The following ATP9B variants were observed in gnomAD, a reference collection of about 807,000 sequenced individuals.
ATP9B encodes probable phospholipid-transporting ATPase IIB.
Under a neutral mutation model 146.1 loss-of-function variants are expected in ATP9B, and 110 were observed. The ratio of observed to expected loss-of-function variants is 0.75; its 90% CI spans 0.65 to 0.88. The LOEUF (loss-of-function observed/expected upper bound fraction) is 0.88. Among genes scored for constraint, ATP9B ranks in the 40% least tolerant of loss-of-function variants. The pLI, the probability that ATP9B is intolerant of heterozygous loss-of-function variation, is 0.00. For synonymous variants in ATP9B, 604 were observed against 569.7 expected, an observed-to-expected ratio of 1.06 and a Z score of -0.86; for missense variants, 1,499 against 1,496.4, an observed-to-expected ratio of 1.00 and a Z score of -0.03.
chr18:79,151,173 G>A (rs952665540), intron 6 of ATP9B, among the ~76,000 whole-genome samples: 2 of 152,094 alleles, frequency 1.3e-5, no homozygotes, highest in African/African-American at 2.4e-5. Flanking sequence ...TTGAATACTC[G>A]CATTTCACTA....
rs1555689295 is a variant in ATP9B at position 79,118,390 on chromosome 18, G to GGTTTTTTTTTTTTTTTTTTTTTT, written c.558+5036_558+5037insGTTTTTTTTTTTTTTTTTTTTTT. On this transcript the variant is annotated intron_variant, in intron 4 of 29. Transcript: ENST00000426216. ...AAACACAATCATATTGAACGTTTTT[G>GGTTTTTTTTTTTTTTTTTTTTTT]TTTTTTTTTTTTTTTTTTTTTTTTT... 5.4e-5 allele frequency among the ~76,000 whole-genome samples: 5 copies of GGTTTTTTTTTTTTTTTTTTTTTT among 93,238 alleles called. 2 individuals are homozygous for GGTTTTTTTTTTTTTTTTTTTTTT. Among genetic ancestry groups the GGTTTTTTTTTTTTTTTTTTTTTT allele is most frequent in the Non-Finnish European group, 4.3e-5 (2 of 46,064 alleles). The allele number at this position is 93,238 out of a possible 152,430, so 61.2% of individuals were successfully genotyped here. A position where few individuals can be genotyped will look rare whatever the true frequency, so the allele number is the denominator to read the frequency against.
intron 13 of ATP9B, among the ~76,000 whole-genome samples, chr18:79,300,295 G>A (rs73001988): frequency 0.056 from 8,469 of 152,184 alleles, 336 homozygotes; most frequent in Non-Finnish European, 0.087. Context: ...AGTAGCTCTC[G>A]TTTATTTAGG....
chr18:79,300,999 T>C (rs1159962917), intron 13 of ATP9B, among the ~76,000 whole-genome samples: 1 of 152,234 alleles, frequency 6.6e-6, no homozygotes, highest in African/African-American at 2.4e-5. Context: ...GGAAATACTT[T>C]GTTATCTCAA....
chr18:79,376,214 C>CACATACACACACAAAA, intron 29 of ATP9B: 1 of 528,146 alleles, frequency 1.9e-6, no homozygotes, highest in Non-Finnish European at 2.3e-6. Context: ...CACACACACA[C>CACATACACACACAAAA]AAAACAAAAC....
intron 25 of ATP9B, chr18:79,352,567 C>G (rs1105428): frequency 3.9e-5 from 6 of 152,054 alleles, no homozygotes; most frequent in Non-Finnish European, 7.4e-5. Flanking sequence ...ACATCTAGAA[C>G]GAACAGCCAG....
chr18:79,120,346 C>T (rs1365263132), intron 4 of ATP9B, among the ~76,000 whole-genome samples: 9 of 151,830 alleles, frequency 5.9e-5, no homozygotes, highest in African/African-American at 1.7e-4. Context: ...TTCTGTTGTT[C>T]GCTAATTTTA....
At chr18:79,344,227 A>G in intron 20 of ATP9B, 38 bp from the exon 21 acceptor site, 2 of 1,574,112 alleles carry the variant, frequency 1.3e-6, no homozygotes, top group Non-Finnish European at 1.7e-6. Flanking sequence ...AACTTAGACA[A>G]CATTTTAATT....
At chr18:79,191,323 G>C (rs1185847549) in intron 8 of ATP9B, among the ~76,000 whole-genome samples, 1 of 151,978 alleles carries the variant, frequency 6.6e-6, no homozygotes, top group Non-Finnish European at 1.5e-5. Context: ...TATGTGTTTA[G>C]GGGTTTTCTG....
chr18:79,110,289 CAATTAGTTTGAACTTTTTTAAAAAGCAA>C, intron 2 of ATP9B, 38 bp from the exon 3 acceptor site: 5 of 1,417,638 alleles, frequency 3.5e-6, no homozygotes, highest in Non-Finnish European at 4.7e-6. Context: ...TAAATATGTA[CAATTAGTTTGAACTTTTTTAAAAAGCAA>C]AAAAAAATAC....
intron 7 of ATP9B, 73 bp from the exon 8 acceptor site, chr18:79,176,740 A>G: frequency 8.1e-7 from 1 of 1,231,454 alleles, no homozygotes; most frequent in Non-Finnish European, 1.2e-6. Flanking sequence ...TTATTCTTTG[A>G]TGGCACCTGT....
At chr18:79,313,257 T>C (rs2096662551) in intron 15 of ATP9B, among the ~76,000 whole-genome samples, 1 of 152,336 alleles carries the variant, frequency 6.6e-6, no homozygotes, top group African/African-American at 2.4e-5. Flanking sequence ...TAAGCAAATA[T>C]GGGCATTTAG....
chr18:79,230,457 C>T (rs1477701942), intron 11 of ATP9B, among the ~76,000 whole-genome samples: 1 of 152,082 alleles, frequency 6.6e-6, no homozygotes. Context: ...CAAACTCAAC[C>T]CCTTTTATAA....
chr18:79,105,280 GT>G, intron 2 of ATP9B, among the ~76,000 whole-genome samples: 1 of 152,280 alleles, frequency 6.6e-6, no homozygotes, highest in Admixed American at 6.5e-5. Flanking sequence ...AAAATTCACT[GT>G]TACTAACATT....
At chr18:79,146,449 T>G (rs2094589166) in intron 6 of ATP9B, 1 of 134,932 alleles carries the variant, frequency 7.4e-6, no homozygotes. Context: ...TGACCGAAGG[T>G]GCAGGCTGCA....
intron 11 of ATP9B, among the ~76,000 whole-genome samples, chr18:79,218,280 C>T (rs1276009935): frequency 6.7e-6 from 1 of 148,694 alleles, no homozygotes; most frequent in Non-Finnish European, 1.5e-5. Flanking sequence ...CCTCGTGTTC[C>T]GTGTCTGACG....
intron 1 of ATP9B, among the ~76,000 whole-genome samples, chr18:79,093,480 C>T (rs928607120): frequency 6.6e-6 from 1 of 152,168 alleles, no homozygotes; most frequent in Admixed American, 6.6e-5. Flanking sequence ...TTTTTTCCTT[C>T]ATCTTTGCTT....
chr18:79,218,810 T>C (rs1413542636), intron 11 of ATP9B, among the ~76,000 whole-genome samples: 1 of 152,238 alleles, frequency 6.6e-6, no homozygotes, highest in Non-Finnish European at 1.5e-5. Flanking sequence ...TCACATTTCA[T>C]TGGCCAGAAC....
chr18:79,226,251 G>T (rs2148530636), intron 11 of ATP9B, among the ~76,000 whole-genome samples: 1 of 152,356 alleles, frequency 6.6e-6, no homozygotes, highest in African/African-American at 2.4e-5. Context: ...GATTCCCATT[G>T]CTCTGTGGCG....
chr18:79,142,537 G>A (rs186827058), intron 5 of ATP9B, among the ~76,000 whole-genome samples: 3 of 152,220 alleles, frequency 2.0e-5, no homozygotes, highest in East Asian at 3.9e-4. Flanking sequence ...CTCTACTGCC[G>A]GATGCTTTGC....
Sources: allele counts gnomAD v4.1 joint callset (sites outside exome capture counted in the v4.1 genomes callset), GRCh38; gene constraint gnomAD v4.1.1; transcripts MANE v1.5; gene names NCBI Gene and HGNC (gene_info 2026-07-23, HGNC 2026-07-21).